CNGB3: variants seen among roughly 807,000 people sequenced by gnomAD.
CNGB3 encodes cyclic nucleotide-gated channel beta-3.
In CNGB3, 86 loss-of-function variants were observed where a neutral mutation model predicts 92.8. That is an observed-to-expected ratio of 0.93 (90% CI 0.78 to 1.11). The LOEUF (loss-of-function observed/expected upper bound fraction) is 1.11. Among genes scored for constraint, CNGB3 ranks in the 50% least tolerant of loss-of-function variants. The pLI, the probability that CNGB3 is intolerant of heterozygous loss-of-function variation, is 0.00. For missense variants in CNGB3, 1,026 were observed against 956.8 expected (o/e 1.07, Z -0.95); for synonymous variants, 333 against 332.7 (o/e 1.00, Z -0.01).
chr8:86,657,721 A>G (rs1823540523), intron 6 of CNGB3: 1 of 474,546 alleles, frequency 2.1e-6, no homozygotes, highest in Admixed American at 2.4e-5. Flanking sequence ...ACAAGCCGCA[A>G]CACCAGCTCC....
At chr8:86,685,124 G>T (rs1333703250) in intron 3 of CNGB3, among the ~76,000 whole-genome samples, 1 of 152,054 alleles carries the variant, frequency 6.6e-6, no homozygotes. Context: ...TGGGGAAACT[G>T]GGTAAAGGGT....
At chr8:86,728,292 C>A (rs1439960029) in intron 2 of CNGB3, among the ~76,000 whole-genome samples, 2 of 151,952 alleles carry the variant, frequency 1.3e-5, no homozygotes, top group Non-Finnish European at 1.5e-5. Context: ...GGATAGGGAC[C>A]CTTCTGTACA....
Position 86,579,280 on chromosome 8 carries a change from C to G in CNGB3, c.1782-28G>C. On this transcript the variant is annotated intron_variant, in intron 15 of 17. Transcript: ENST00000320005. ...GTAAGAGAGAAAAATGAGTCTTTGC[C>G]ACCAGTTTCAGTTTTCCTCCACTGA... 3 of 1,612,588 alleles carry G rather than the reference C, an allele frequency of 1.9e-6. No individual in the cohort carries two copies. The East Asian group carries it at 6.7e-5, about 36-fold the overall frequency.
At chr8:86,713,316 G>T (rs1340371904) in intron 3 of CNGB3, among the ~76,000 whole-genome samples, 4 of 152,112 alleles carry the variant, frequency 2.6e-5, no homozygotes, top group African/African-American at 9.7e-5. Flanking sequence ...ACCTACAAAG[G>T]TTTATGATCT....
At chr8:86,592,120 C>T (rs535481812) in intron 15 of CNGB3, among the ~76,000 whole-genome samples, 4 of 152,226 alleles carry the variant, frequency 2.6e-5, no homozygotes, top group Non-Finnish European at 5.9e-5. Context: ...CCGTCCGTCA[C>T]CCCTTTCTTT....
intron 14 of CNGB3, among the ~76,000 whole-genome samples, chr8:86,610,609 T>C (rs1464231199): frequency 6.6e-6 from 1 of 152,218 alleles, no homozygotes; most frequent in African/African-American, 2.4e-5. Flanking sequence ...ACACATTATT[T>C]TGAAATGATA....
At chr8:86,730,422 C>A (rs1825138520) in intron 2 of CNGB3, among the ~76,000 whole-genome samples, 1 of 152,142 alleles carries the variant, frequency 6.6e-6, no homozygotes, top group African/African-American at 2.4e-5. Flanking sequence ...TGGTTAGAAT[C>A]TTTGGTGTGG....
In CNGB3 at chr8:86,688,500, T is replaced by C. The variant is rs547670424; in HGVS notation, c.339-17402A>G. ...TCAGAGTTCCTTTCAAGACGCCAAG[T>C]AGGAAACAGAATACCACAGGCCTGC... On this transcript the variant is annotated intron_variant, in intron 3 of 17. Transcript: ENST00000320005. 6.6e-5 allele frequency among the ~76,000 whole-genome samples: 10 copies of C among 152,216 alleles called. No individual in the cohort carries two copies. The East Asian group carries it at 1.9e-3, about 29-fold the overall frequency.
At chr8:86,576,532 C>T (rs1413180308) in intron 17 of CNGB3, among the ~76,000 whole-genome samples, 2 of 152,010 alleles carry the variant, frequency 1.3e-5, no homozygotes, top group Non-Finnish European at 2.9e-5. Flanking sequence ...TATAAAAATA[C>T]TGTAAAAAGT....
At chr8:86,693,505 C>T (rs940474794) in intron 3 of CNGB3, among the ~76,000 whole-genome samples, 17 of 148,804 alleles carry the variant, frequency 1.1e-4, no homozygotes, top group African/African-American at 4.2e-4. Context: ...GGGGATTTGG[C>T]AGGGTCATAG....
At chr8:86,642,837 C>CA (rs1444696958) in intron 10 of CNGB3, among the ~76,000 whole-genome samples, 5 of 151,422 alleles carry the variant, frequency 3.3e-5, no homozygotes, top group Non-Finnish European at 7.4e-5. Flanking sequence ...ACCTAATTGT[C>CA]AAGTTTAATT....
chr8:86,633,953 G>T (rs749985708), intron 10 of CNGB3, among the ~76,000 whole-genome samples: 4 of 152,158 alleles, frequency 2.6e-5, no homozygotes, highest in Non-Finnish European at 5.9e-5. Context: ...ATGGGCAACT[G>T]ATCTAGAAAT....
chr8:86,585,502 G>C (rs1419042689), intron 15 of CNGB3, among the ~76,000 whole-genome samples: 1 of 151,978 alleles, frequency 6.6e-6, no homozygotes, highest in Non-Finnish European at 1.5e-5. Flanking sequence ...TTTTAGTAGA[G>C]CTACTGTATC....
intron 6 of CNGB3, chr8:86,661,753 G>T: frequency 6.3e-7 from 1 of 1,586,844 alleles, no homozygotes; most frequent in Non-Finnish European, 8.6e-7. Context: ...CAAACATCCA[G>T]GTGCTTAGGA....
Position 86,578,825 on chromosome 8 carries a change from G to T in CNGB3, c.1967C>A (p.Thr656Asn). The T allele has an allele frequency of 6.2e-7, 1 of 1,614,148 alleles. No individual in the cohort carries two copies. The highest frequency in any genetic ancestry group is 8.5e-7 in the Non-Finnish European group (1 of 1,180,032). ...LKQKAKTAEATPPRKDLALLF... is the reference protein window; with the variant it reads ...LKQKAKTAEANPPRKDLALLF... ...GAGGGCAAGATCTTTTCTTGGAGGG[G>T]TTGCTTCTGCGGTCTTAGCCTTCTG... The change falls in exon 17 of 18, where the codon ACC becomes AAC. Residue 656 changes from threonine (T) to asparagine (N), a missense_variant. Thr to Asn is a moderately conservative substitution (Grantham distance 65, BLOSUM62 0). Transcript: ENST00000320005.
At chr8:86,649,826 A>G (rs1310448593) in intron 7 of CNGB3, among the ~76,000 whole-genome samples, 3 of 151,598 alleles carry the variant, frequency 2.0e-5, no homozygotes, top group East Asian at 3.9e-4. Context: ...GTTTCTTCAT[A>G]TAAAAAGAAA....
chr8:86,625,966 A>T lies in CNGB3; in HGVS notation c.1578+17T>A. The T allele has an allele frequency of 2.5e-6, 4 of 1,592,970 alleles. No individual in the cohort carries two copies. Among genetic ancestry groups the T allele is most frequent in the Non-Finnish European group, 3.4e-6 (4 of 1,161,520 alleles). On this transcript the variant is annotated intron_variant, in intron 13 of 17. Transcript: ENST00000320005. ...AGAGAAATAGATACAGAGTCTATTA[A>T]TTGTAAAAGCACTTGCCTTGAACAA...
intron 6 of CNGB3, chr8:86,658,489 GA>G (rs1823564288): frequency 2.5e-6 from 1 of 406,014 alleles, no homozygotes; most frequent in Non-Finnish European, 4.7e-6. Flanking sequence ...ACTTTGCCCT[GA>G]GCTTCCTCCT....
Position 86,643,761 on chromosome 8 carries a change from C to T in CNGB3, c.1168G>A (p.Glu390Lys), listed in dbSNP as rs1823236911. 6.2e-7 allele frequency: 1 copy of T among 1,605,116 alleles called. No homozygotes were observed. Among genetic ancestry groups the T allele is most frequent in the Non-Finnish European group, 8.5e-7 (1 of 1,174,712 alleles). Residue 390 changes from glutamate to lysine, a missense_variant, in exon 10 of 18, where the codon GAA becomes AAA. Glu to Lys is a moderately conservative substitution (Grantham distance 56). Transcript: ENST00000320005. Reference sequence around the variant, plus strand: ...AAAATCAGAACTTACTCGTTTCCTTCCCCATCATACACCCATCTAGTAGTG... The same window carrying T: ...AAAATCAGAACTTACTCGTTTCCTTTCCCATCATACACCCATCTAGTAGTG... ...IGTTRWVYDGEGNEYLRCYYW... is the reference protein window; with the variant it reads ...IGTTRWVYDGKGNEYLRCYYW...
Sources: allele counts gnomAD v4.1 joint callset (sites outside exome capture counted in the v4.1 genomes callset), GRCh38; gene constraint gnomAD v4.1.1; transcripts MANE v1.5; gene names NCBI Gene and HGNC (gene_info 2026-07-23, HGNC 2026-07-21).